TMEM40: variants seen among roughly 807,000 people sequenced by gnomAD.
TMEM40 encodes transmembrane protein 40.
A neutral mutation model predicts 40.8 loss-of-function variants in TMEM40; 34 were observed. The observed-to-expected ratio is 0.83, with a 90% CI of 0.63 to 1.11. The LOEUF is 1.11. Ranked by LOEUF, TMEM40 falls within the 50% of genes least tolerant of loss-of-function variation. TMEM40 has a pLI of 0.00. For missense variants in TMEM40, 296 were observed against 280.2 expected, an observed-to-expected ratio of 1.06 and a Z score of -0.40; for synonymous variants, 106 against 107.0, an observed-to-expected ratio of 0.99 and a Z score of 0.06.
At chr3:12,765,057 A>G (rs2061587639) in intron 1 of TMEM40, among the ~76,000 whole-genome samples, 2 of 152,080 alleles carry the variant, frequency 1.3e-5, no homozygotes, top group African/African-American at 4.8e-5. Context: ...TTTTTAGCAG[A>G]GACAAGCCAG....
chr3:12,737,838 A>C, intron 7 of TMEM40, 84 bp from the exon 8 acceptor site: 1 of 1,367,558 alleles, frequency 7.3e-7, no homozygotes, highest in Non-Finnish European at 1.0e-6. Flanking sequence ...ATTGAGAATT[A>C]ATATCCTGGG....
intron 2 of TMEM40, 30 bp from the exon 3 acceptor site, chr3:12,748,822 G>A (rs773948446): frequency 6.2e-7 from 1 of 1,608,024 alleles, no homozygotes; most frequent in South Asian, 1.1e-5. Flanking sequence ...CAGGGGATGA[G>A]CGTTTCCCAC....
At chr3:12,736,292 A>G (rs1319728721) in intron 10 of TMEM40, among the ~76,000 whole-genome samples, 1 of 151,950 alleles carries the variant, frequency 6.6e-6, no homozygotes, top group Non-Finnish European at 1.5e-5. Flanking sequence ...GAGATTACAG[A>G]CATGCGCCAC....
intron 1 of TMEM40, among the ~76,000 whole-genome samples, chr3:12,755,123 ATTC>A (rs2061509706): frequency 3.3e-5 from 2 of 60,928 alleles, no homozygotes; most frequent in South Asian, 4.1e-4. Context: ...TTTCTTTTCT[ATTC>A]TTTTCTTTTC....
chr3:12,769,193 G>A (rs2061610947), intron 1 of TMEM40: 19 of 339,682 alleles, frequency 5.6e-5, no homozygotes, highest in South Asian at 3.6e-4. Context: ...CGGAACTGTA[G>A]CCGGCCCTCA....
At chr3:12,742,265 T>A (rs894016780) in intron 5 of TMEM40, among the ~76,000 whole-genome samples, 189 bp downstream of exon 5, 1 of 151,838 alleles carries the variant, frequency 6.6e-6, no homozygotes, top group Non-Finnish European at 1.5e-5. Flanking sequence ...AAATGTAGGA[T>A]TTCCCCAAGA....
At position 12,737,695 on chromosome 3, in the gene TMEM40, C is replaced by A. The variant is rs750162767; in HGVS notation, c.472+12G>T. On this transcript the variant is annotated intron_variant, in intron 8 of 11. Transcript: ENST00000314124. ...ACAGGAAAAAGCAGCTCTGCTACAC[C>A]AAGTTCCTTACCATCTTTCTTTATA... The A allele has an allele frequency of 4.3e-6, 7 of 1,613,828 alleles. No homozygotes were observed. Among genetic ancestry groups the A allele is most frequent in the Non-Finnish European group, 5.9e-6 (7 of 1,179,900 alleles).
At chr3:12,750,811 A>T (rs1210650360) in intron 1 of TMEM40, among the ~76,000 whole-genome samples, 5 of 152,154 alleles carry the variant, frequency 3.3e-5, no homozygotes, top group Non-Finnish European at 7.4e-5. Flanking sequence ...AGGGTAACAC[A>T]TTGTGAGATG....
intron 7 of TMEM40, 93 bp downstream of exon 7, chr3:12,738,043 G>T: frequency 1.3e-6 from 2 of 1,506,066 alleles, no homozygotes; most frequent in Non-Finnish European, 9.2e-7. Flanking sequence ...TCCCTGCTGG[G>T]ACTAACCCAC....
chr3:12,736,741 T>C lies in TMEM40; in HGVS notation c.544+23A>G, dbSNP rs2061340856. 1.9e-6 allele frequency: 3 copies of C among 1,613,790 alleles called. No individual in the cohort carries two copies. The African/African-American group carries it at 4.0e-5, about 22-fold the overall frequency. On this transcript the variant is annotated intron_variant, in intron 9 of 11. Coordinates refer to ENST00000314124, the MANE Select transcript of TMEM40 (RefSeq NM_018306.4). Reference sequence around the variant, plus strand: ...CACCCCATGCCATCCCCCTTGTGCATTCCCCAGGGCACCTCCCCTCACCTG... The same window carrying C: ...CACCCCATGCCATCCCCCTTGTGCACTCCCCAGGGCACCTCCCCTCACCTG...
intron 1 of TMEM40, among the ~76,000 whole-genome samples, chr3:12,751,405 C>G (rs933395835): frequency 1.3e-5 from 2 of 151,484 alleles, no homozygotes; most frequent in Non-Finnish European, 2.9e-5. Flanking sequence ...CCTCAGCCTC[C>G]GGAGTAGCTG....
chr3:12,764,119 G>A (rs140752216), upstream of TMEM40, among the ~76,000 whole-genome samples: 6,865 of 151,962 alleles, frequency 0.045, 161 homozygotes, highest in African/African-American at 0.055. Context: ...TCACCATGTT[G>A]GCCAGGCTGG....
exon 1 of TMEM40, chr3:12,769,353 G>C (rs908110172): frequency 1.5e-5 from 4 of 264,598 alleles, no homozygotes; most frequent in African/African-American, 9.4e-5. Context: ...CGGCCAGAGT[G>C]GGCGCCGAGG....
intron 4 of TMEM40, among the ~76,000 whole-genome samples, chr3:12,743,060 CTG>C (rs889094670): frequency 2.6e-5 from 4 of 152,244 alleles, no homozygotes; most frequent in African/African-American, 9.6e-5. Context: ...TAAACACCTT[CTG>C]TGTGGCAGGT....
intron 2 of TMEM40, 56 bp from the exon 3 acceptor site, chr3:12,748,848 G>T: frequency 6.6e-7 from 1 of 1,525,886 alleles, no homozygotes; most frequent in South Asian, 1.2e-5. Context: ...CCACCCCAGG[G>T]ACCACCCAGT....
chr3:12,748,849 A>C (rs1428846959), intron 2 of TMEM40, 57 bp from the exon 3 acceptor site: 1 of 1,499,032 alleles, frequency 6.7e-7, no homozygotes. Context: ...CACCCCAGGG[A>C]CCACCCAGTC....
chr3:12,755,233 C>CTCTCTCTG (rs1553634013), intron 1 of TMEM40, among the ~76,000 whole-genome samples: 9 of 59,886 alleles, frequency 1.5e-4, no homozygotes, highest in African/African-American at 5.7e-4. Flanking sequence ...CTCTCTCTCT[C>CTCTCTCTG]TCTTTCTTTC....
chr3:12,767,930 G>C (rs750226846), intron 1 of TMEM40, among the ~76,000 whole-genome samples: 1 of 152,100 alleles, frequency 6.6e-6, no homozygotes, highest in Admixed American at 6.5e-5. Context: ...TCATAGTTAC[G>C]GACTCAAGAG....
At chr3:12,740,287 G>A (rs2061371300) in intron 5 of TMEM40, among the ~76,000 whole-genome samples, 1 of 150,156 alleles carries the variant, frequency 6.7e-6, no homozygotes, top group Non-Finnish European at 1.5e-5. Flanking sequence ...ACAGGGTTTT[G>A]CCACGTTGGC....
Sources: gnomAD v4.1 joint callset for allele counts (sites outside exome capture counted in the v4.1 genomes callset) on GRCh38, gnomAD v4.1.1 for gene constraint, MANE v1.5 for transcripts, NCBI Gene and HGNC (gene_info 2026-07-23, HGNC 2026-07-21) for gene names.